RIN2: variants seen among roughly 807,000 people sequenced by gnomAD.
The protein encoded by RIN2 is RAB5 interacting protein 2.
Under a neutral mutation model 78.0 loss-of-function variants are expected in RIN2, and 36 were observed. That is an observed-to-expected ratio of 0.46 (90% CI 0.35 to 0.61). The LOEUF is 0.61. RIN2 is among the 20% of genes least tolerant of loss of function. The pLI is 0.00. For synonymous variants in RIN2, 466 were observed against 466.8 expected (o/e 1.00, Z 0.02); for missense variants, 1,087 against 1,159.7 (o/e 0.94, Z 0.91).
chr20:19,808,165 A>G (rs1456622848), intron 2 of RIN2, among the ~76,000 whole-genome samples: 1 of 152,288 alleles, frequency 6.6e-6, no homozygotes, highest in Non-Finnish European at 1.5e-5. Flanking sequence ...TAATTAAACT[A>G]TGAATGAAAT....
At chr20:19,855,814 G>A (rs1332415611) in intron 2 of RIN2, among the ~76,000 whole-genome samples, 1 of 152,258 alleles carries the variant, frequency 6.6e-6, no homozygotes, top group Non-Finnish European at 1.5e-5. Context: ...GGTGGCTCAC[G>A]CTTGTAATCC....
At chr20:19,833,368 G>A (rs985178971) in intron 2 of RIN2, among the ~76,000 whole-genome samples, 1 of 151,936 alleles carries the variant, frequency 6.6e-6, no homozygotes, top group Non-Finnish European at 1.5e-5. Flanking sequence ...GTGCCATGGT[G>A]GTTTGCTGAA....
At chr20:19,838,265 G>A (rs2036478887) in intron 2 of RIN2, among the ~76,000 whole-genome samples, 1 of 152,082 alleles carries the variant, frequency 6.6e-6, no homozygotes, top group African/African-American at 2.4e-5. Context: ...GTGTCTTGAG[G>A]AAGAGAGATA....
At chr20:19,782,185 AC>A (rs2034530968) in intron 1 of RIN2, among the ~76,000 whole-genome samples, 1 of 151,726 alleles carries the variant, frequency 6.6e-6, no homozygotes, top group African/African-American at 2.4e-5. Context: ...TCCCACTAAA[AC>A]TCTTGAAGGA....
At chr20:19,820,175 A>AT (rs1373906960) in intron 2 of RIN2, among the ~76,000 whole-genome samples, 2 of 152,302 alleles carry the variant, frequency 1.3e-5, no homozygotes, top group Non-Finnish European at 2.9e-5. Context: ...AATCCTGTTG[A>AT]TTTTAACCTT....
intron 11 of RIN2, among the ~76,000 whole-genome samples, chr20:19,995,269 A>AAAC (rs1427698471): frequency 4.0e-5 from 6 of 151,352 alleles, no homozygotes; most frequent in African/African-American, 1.5e-4. Flanking sequence ...TTTAAAAAAA[A>AAAC]AAAAAAAAAC....
intron 12 of RIN2, among the ~76,000 whole-genome samples, chr20:19,998,957 G>T (rs1011791389): frequency 2.6e-5 from 4 of 152,188 alleles, no homozygotes; most frequent in Admixed American, 2.6e-4. Context: ...TTCTTCTGCA[G>T]CCGTCCCCTC....
chr20:19,895,709 G>A (rs550220471), intron 3 of RIN2: 8 of 152,234 alleles, frequency 5.3e-5, no homozygotes, highest in African/African-American at 1.4e-4. Flanking sequence ...TGGATAAGAA[G>A]GTGCATCACG....
At chr20:19,859,650 C>T (rs2037274147) in intron 2 of RIN2, among the ~76,000 whole-genome samples, 1 of 152,238 alleles carries the variant, frequency 6.6e-6, no homozygotes, top group Non-Finnish European at 1.5e-5. Context: ...CTGACAACTC[C>T]CACGTGACTA....
At chr20:20,000,143 A>C (rs2070324063) in intron 12 of RIN2, among the ~76,000 whole-genome samples, 1 of 152,178 alleles carries the variant, frequency 6.6e-6, no homozygotes, top group South Asian at 2.1e-4. Context: ...CAGCCTGGAG[A>C]ATATAGTGAG....
intron 2 of RIN2, among the ~76,000 whole-genome samples, chr20:19,825,773 C>A (rs1007223260): frequency 1.3e-5 from 2 of 152,192 alleles, no homozygotes; most frequent in African/African-American, 4.8e-5. Flanking sequence ...TGCACCTTGC[C>A]TCAGTGCACC....
intron 1 of RIN2, among the ~76,000 whole-genome samples, chr20:19,758,923 C>T (rs1377932418): frequency 6.6e-6 from 1 of 152,188 alleles, no homozygotes; most frequent in African/African-American, 2.4e-5. Context: ...TTGTTGTGTC[C>T]GGGCAGGGGG....
In RIN2 at chr20:19,837,604, T is replaced by C. The variant is rs2036459380; in HGVS notation, c.-37+37857T>C. On this transcript the variant is annotated intron_variant, in intron 2 of 12. Coordinates refer to ENST00000255006, the MANE Select transcript of RIN2 (RefSeq NM_018993.4). ...ATTTAAATTCATTATAAGTTAAGTA[T>C]ATTATCTTTTATAAATTCTTAGCAA... Among the ~76,000 whole-genome samples, 5 of 152,212 alleles carry C rather than the reference T, an allele frequency of 3.3e-5. No homozygotes were observed. In the South Asian group the frequency reaches 1.0e-3, roughly 31 times the overall value.
At chr20:19,855,117 T>G (rs1600629872) in intron 2 of RIN2, among the ~76,000 whole-genome samples, 1 of 152,214 alleles carries the variant, frequency 6.6e-6, no homozygotes, top group East Asian at 1.9e-4. Flanking sequence ...TCAAAGGCCT[T>G]TTCTGCATCT....
intron 4 of RIN2, among the ~76,000 whole-genome samples, chr20:19,954,397 G>T (rs1414146787): frequency 6.6e-6 from 1 of 152,138 alleles, no homozygotes; most frequent in Non-Finnish European, 1.5e-5. Context: ...GGTGTCCCTT[G>T]GCTGCCCCAG....
At chr20:19,898,086 G>A (rs567712612) in intron 3 of RIN2, among the ~76,000 whole-genome samples, 31 of 152,270 alleles carry the variant, frequency 2.0e-4, no homozygotes, top group Admixed American at 1.7e-3. Flanking sequence ...TCAAGTCAGC[G>A]CCCCCAAGGC....
chr20:19,849,663 A>G (rs1490794906), intron 2 of RIN2, among the ~76,000 whole-genome samples: 1 of 152,180 alleles, frequency 6.6e-6, no homozygotes, highest in East Asian at 1.9e-4. Context: ...CTGCCTTTTA[A>G]GAGGTGTCCT....
At chr20:19,933,891 C>T in intron 3 of RIN2, among the ~76,000 whole-genome samples, 1 of 152,154 alleles carries the variant, frequency 6.6e-6, no homozygotes, top group Non-Finnish European at 1.5e-5. Context: ...TCACTGCAAC[C>T]TCCATCTCCT....
chr20:19,851,110 A>G (rs1023635047), intron 2 of RIN2, among the ~76,000 whole-genome samples: 8 of 152,058 alleles, frequency 5.3e-5, no homozygotes, highest in Non-Finnish European at 8.8e-5. Flanking sequence ...AGAGAAGAGA[A>G]GAGAAAGAAA....
Sources: gnomAD v4.1 joint callset for allele counts (sites outside exome capture counted in the v4.1 genomes callset) on GRCh38, gnomAD v4.1.1 for gene constraint, MANE v1.5 for transcripts, NCBI Gene and HGNC (gene_info 2026-07-23, HGNC 2026-07-21) for gene names.